Variants in CAMKMT observed in about 807,000 individuals in gnomAD.
The protein encoded by CAMKMT is calmodulin-lysine N-methyltransferase.
A neutral mutation model predicts 48.0 loss-of-function variants in CAMKMT; 53 were observed. That is an observed-to-expected ratio of 1.10 (90% CI 0.89 to 1.39). The LOEUF (loss-of-function observed/expected upper bound fraction) is 1.39, where lower values mean the gene tolerates loss of function less well. Among genes scored for constraint, CAMKMT ranks in the 40% most tolerant of loss-of-function variants. The pLI is 0.00. For synonymous variants in CAMKMT, 165 were observed against 152.3 expected, an observed-to-expected ratio of 1.08 and a Z score of -0.61; for missense variants, 428 against 402.7, an observed-to-expected ratio of 1.06 and a Z score of -0.54.
At chr2:44,550,941 A>G (rs79105587) in intron 3 of CAMKMT, among the ~76,000 whole-genome samples, 40 of 152,314 alleles carry the variant, frequency 2.6e-4, no homozygotes, top group African/African-American at 8.2e-4. Flanking sequence ...CAACTCATTC[A>G]TGAATGTCCA....
At chr2:44,367,454 C>G (rs1250916162) in intron 1 of CAMKMT, among the ~76,000 whole-genome samples, 1 of 152,128 alleles carries the variant, frequency 6.6e-6, no homozygotes, top group East Asian at 1.9e-4. Flanking sequence ...TGCCTTCAGG[C>G]TATGTGTATA....
At chr2:44,431,202 C>A (rs1684630414) in intron 3 of CAMKMT, among the ~76,000 whole-genome samples, 2 of 152,082 alleles carry the variant, frequency 1.3e-5, no homozygotes, top group South Asian at 4.2e-4. Flanking sequence ...TTATAAATAA[C>A]ATTTTTTGGT....
intron 3 of CAMKMT, among the ~76,000 whole-genome samples, chr2:44,450,020 T>A (rs1367766221): frequency 6.6e-6 from 1 of 152,150 alleles, no homozygotes; most frequent in Non-Finnish European, 1.5e-5. Flanking sequence ...ATGCTTCAAC[T>A]TGAGATGGGT....
chr2:44,710,633 A>G (rs887006202), intron 6 of CAMKMT, among the ~76,000 whole-genome samples: 2 of 151,438 alleles, frequency 1.3e-5, no homozygotes, highest in African/African-American at 2.4e-5. Flanking sequence ...TTTTTTGGCA[A>G]TGCCCCTTTA....
intron 3 of CAMKMT, among the ~76,000 whole-genome samples, chr2:44,576,507 G>A (rs1489163106): frequency 6.6e-6 from 1 of 152,116 alleles, no homozygotes; most frequent in Non-Finnish European, 1.5e-5. Flanking sequence ...AAATGAGAGG[G>A]CAGGGACAAG....
chr2:44,553,271 C>T (rs554722520), intron 3 of CAMKMT, among the ~76,000 whole-genome samples: 3 of 152,086 alleles, frequency 2.0e-5, no homozygotes, highest in African/African-American at 7.2e-5. Context: ...ACTCTGTTCT[C>T]TCATACAAGT....
intron 3 of CAMKMT, among the ~76,000 whole-genome samples, chr2:44,535,497 C>G (rs1204507176): frequency 6.6e-6 from 1 of 152,158 alleles, no homozygotes; most frequent in Non-Finnish European, 1.5e-5. Context: ...CAACAAAATT[C>G]TAACAAACTG....
rs188957537 is a variant in CAMKMT, at chr2:44,491,044, G to A, written c.376+100739G>A. Among the ~76,000 whole-genome samples the A allele has an allele frequency of 7.2e-3, 1,090 of 151,774 alleles. 15 individuals are homozygous for A. The highest frequency in any genetic ancestry group is 0.025 in the African/African-American group (1,044 of 41,362). On this transcript the variant is annotated intron_variant, in intron 3 of 10. Transcript: ENST00000378494. ...GGCATGCCTGTAGTCTCAGCTACTT[G>A]GGAGGCGGAGGTGGGAGGATGGCTC...
At chr2:44,479,989 T>C (rs1668883942) in intron 3 of CAMKMT, among the ~76,000 whole-genome samples, 2 of 152,120 alleles carry the variant, frequency 1.3e-5, no homozygotes, top group South Asian at 2.1e-4. Context: ...GAATCATCCA[T>C]TGTTAATGTT....
intron 3 of CAMKMT, among the ~76,000 whole-genome samples, chr2:44,642,353 TGCCCTCTG>T (rs1381927541): frequency 6.6e-6 from 1 of 152,164 alleles, no homozygotes; most frequent in African/African-American, 2.4e-5. Flanking sequence ...AGAAATAAAG[TGCCCTCTG>T]AAAGTGTCTC....
At chr2:44,550,662 T>C (rs1196904328) in intron 3 of CAMKMT, 2 of 152,200 alleles carry the variant, frequency 1.3e-5, no homozygotes, top group African/African-American at 4.8e-5. Flanking sequence ...CCAAGATCTA[T>C]TGACCATCTA....
chr2:44,418,795 G>C (rs1683738843), intron 3 of CAMKMT, among the ~76,000 whole-genome samples: 1 of 152,158 alleles, frequency 6.6e-6, no homozygotes, highest in Non-Finnish European at 1.5e-5. Flanking sequence ...CTACAATTTT[G>C]ATTGGATGGC....
At chr2:44,715,192 C>CAAA (rs35173334) in intron 6 of CAMKMT, 95 bp from the exon 7 acceptor site, 694 of 425,874 alleles carry the variant, frequency 1.6e-3, no homozygotes, top group Middle Eastern at 2.5e-3. Context: ...GACCCTGTCT[C>CAAA]AAAAAAAAAA....
chr2:44,766,373 T>C, intron 9 of CAMKMT, 57 bp from the exon 10 acceptor site: 1 of 1,599,898 alleles, frequency 6.3e-7, no homozygotes, highest in Non-Finnish European at 8.6e-7. Context: ...CCAATGTCTG[T>C]TATGTTTGGT....
At chr2:44,464,237 C>T (rs1409118000) in intron 3 of CAMKMT, among the ~76,000 whole-genome samples, 2 of 152,106 alleles carry the variant, frequency 1.3e-5, no homozygotes, top group Admixed American at 6.5e-5. Context: ...CTTGATCAAA[C>T]AGGAAAGAAT....
chr2:44,675,498 T>A (rs1054338365), intron 3 of CAMKMT, among the ~76,000 whole-genome samples: 4 of 152,136 alleles, frequency 2.6e-5, no homozygotes, highest in Non-Finnish European at 5.9e-5. Context: ...TTTTCCTTCT[T>A]CCTTTCTGGT....
chr2:44,452,335 G>C (rs1667336451), intron 3 of CAMKMT, among the ~76,000 whole-genome samples: 2 of 152,020 alleles, frequency 1.3e-5, no homozygotes, highest in South Asian at 4.1e-4. Flanking sequence ...CATAGCGCCA[G>C]TTATCTCATA....
At chr2:44,395,485 AT>A (rs1681749199) in intron 3 of CAMKMT, among the ~76,000 whole-genome samples, 1 of 152,152 alleles carries the variant, frequency 6.6e-6, no homozygotes, top group African/African-American at 2.4e-5. Flanking sequence ...CAGTGGTTTG[AT>A]TAAAAAATGA....
intron 3 of CAMKMT, among the ~76,000 whole-genome samples, chr2:44,577,830 T>A (rs1035656202): frequency 1.3e-5 from 2 of 152,174 alleles, no homozygotes; most frequent in African/African-American, 4.8e-5. Flanking sequence ...TAAATATATT[T>A]TCCAAAGTAA....
Sources: gnomAD v4.1 joint callset for allele counts (sites outside exome capture counted in the v4.1 genomes callset) on GRCh38, gnomAD v4.1.1 for gene constraint, MANE v1.5 for transcripts, NCBI Gene and HGNC (gene_info 2026-07-23, HGNC 2026-07-21) for gene names.